The following EPB41L2 variants were observed in gnomAD, a reference collection of about 807,000 sequenced individuals.
EPB41L2 encodes the protein erythrocyte membrane protein band 4.1 like 2, also known as band 4.1-like protein 2.
A neutral mutation model predicts 113.0 loss-of-function variants in EPB41L2; 43 were observed. The ratio of observed to expected loss-of-function variants is 0.38; its 90% confidence interval spans 0.30 to 0.49. The LOEUF (loss-of-function observed/expected upper bound fraction) is 0.49. Among genes scored for constraint, EPB41L2 ranks in the 20% least tolerant of loss-of-function variants. EPB41L2 has a pLI of 0.95. For missense variants in EPB41L2, 1,147 were observed against 1,223.4 expected (o/e 0.94, Z 0.93); for synonymous variants, 442 against 436.7 (o/e 1.01, Z -0.15).
At chr6:130,962,675 A>AT (rs948398706) in intron 1 of EPB41L2, among the ~76,000 whole-genome samples, 53 of 152,214 alleles carry the variant, frequency 3.5e-4, no homozygotes, top group African/African-American at 1.2e-3. Flanking sequence ...CATACAAAAC[A>AT]TATGAACTAC....
intron 19 of EPB41L2, among the ~76,000 whole-genome samples, chr6:130,845,029 G>A (rs1293668985): frequency 6.6e-6 from 1 of 152,202 alleles, no homozygotes; most frequent in African/African-American, 2.4e-5. Flanking sequence ...CTGCCAGAAC[G>A]AGACTGTCTC....
At chr6:130,982,582 T>A (rs530618986) in intron 1 of EPB41L2, among the ~76,000 whole-genome samples, 4 of 152,192 alleles carry the variant, frequency 2.6e-5, no homozygotes, top group Non-Finnish European at 5.9e-5. Flanking sequence ...GAAACGGACA[T>A]GAAAACTTTG....
chr6:130,878,260 T>C lies in EPB41L2; in HGVS notation c.1897-10A>G. 5 of 1,594,012 alleles carry C rather than the reference T, an allele frequency of 3.1e-6. No homozygotes were observed. The highest frequency in any genetic ancestry group is 1.2e-5 in the South Asian group (1 of 85,534). On this transcript the variant is annotated splice_polypyrimidine_tract_variant and intron_variant, in intron 13 of 19. Coordinates refer to ENST00000337057, the MANE Select transcript of EPB41L2 (RefSeq NM_001431.4). ...GGGCCTTATCCAGTTCCTAGCAATA[T>C]GTAACGTAACAAAGGGGGGAAAAAT...
In EPB41L2 at chr6:130,945,303, T is replaced by C. The variant is rs550481107; in HGVS notation, c.705+9802A>G. On this transcript the variant is annotated intron_variant, in intron 3 of 19. Transcript: ENST00000337057. ...AAATAAAACACACTCAAAGTAATGA[T>C]AGCAAATTGGATTTCCGAGACCCGA... 1.1e-4 allele frequency among the ~76,000 whole-genome samples: 16 copies of C among 152,212 alleles called. No individual in the cohort carries two copies. In the South Asian group the frequency reaches 2.5e-3, roughly 24 times the overall value.
At chr6:131,049,757 C>T (rs895006606) in intron 1 of EPB41L2, among the ~76,000 whole-genome samples, 1 of 151,904 alleles carries the variant, frequency 6.6e-6, no homozygotes, top group Non-Finnish European at 1.5e-5. Flanking sequence ...AATGTTGACA[C>T]ATTTATTGAA....
rs61731766 is a variant in EPB41L2, at chr6:130,865,602, C to T, written c.2763G>A (p.Thr921=). 866 of 1,614,110 alleles carry T rather than the reference C, an allele frequency of 5.4e-4. 4 individuals carry two copies. The African/African-American group carries it at 8.7e-3, about 16-fold the overall frequency. The change falls in exon 17 of 20, where the codon ACG becomes ACA. Residue 921 remains threonine (T), a synonymous_variant. Transcript: ENST00000337057. ...IDGGAGGDSG[T]LLTAQTITSE... ...ATGTGATGGTTTGTGCGGTCAGTAA[C>T]GTGCCCGAATCACCACCAGCCCCGC... is the stretch of plus-strand genomic sequence containing the variant.
chr6:131,003,658 T>C (rs56059620), intron 1 of EPB41L2, among the ~76,000 whole-genome samples: 13,684 of 152,256 alleles, frequency 0.09, 2,038 homozygotes, highest in African/African-American at 0.31. Flanking sequence ...CTGGAATTTC[T>C]GGAACTGTAT....
chr6:131,036,851 A>T (rs1352338343), intron 1 of EPB41L2, among the ~76,000 whole-genome samples: 1 of 152,218 alleles, frequency 6.6e-6, no homozygotes, highest in East Asian at 1.9e-4. Flanking sequence ...GTGATGAGAC[A>T]GAATTCTAGG....
At chr6:130,870,455 G>A (rs1785277192) in intron 14 of EPB41L2, 1 of 1,452,306 alleles carries the variant, frequency 6.9e-7, no homozygotes, top group East Asian at 2.5e-5. Flanking sequence ...ACAAACATCT[G>A]ACACTGCAAA....
At chr6:130,938,128 C>T (rs1490704072) in intron 3 of EPB41L2, among the ~76,000 whole-genome samples, 10 of 152,196 alleles carry the variant, frequency 6.6e-5, no homozygotes, top group East Asian at 3.8e-4. Context: ...GGACGTGACA[C>T]AAAAGGAGAG....
At chr6:130,876,849 A>C in intron 14 of EPB41L2, 11 of 936,462 alleles carry the variant, frequency 1.2e-5, no homozygotes, top group East Asian at 6.2e-5. Context: ...CAAACACAAA[A>C]TACTGACCCA....
At chr6:131,010,939 C>T (rs1473185032) in intron 1 of EPB41L2, among the ~76,000 whole-genome samples, 1 of 152,198 alleles carries the variant, frequency 6.6e-6, no homozygotes, top group Non-Finnish European at 1.5e-5. Flanking sequence ...CCAAGATGAT[C>T]AAGCTAAGGC....
intron 1 of EPB41L2, among the ~76,000 whole-genome samples, chr6:131,012,816 CAAAG>C (rs1191724945): frequency 1.3e-5 from 2 of 152,024 alleles, no homozygotes; most frequent in East Asian, 1.9e-4. Flanking sequence ...GGAAGTGCAA[CAAAG>C]AAAGAGTTTA....
At chr6:130,872,644 C>T in intron 14 of EPB41L2, 5 of 726,424 alleles carry the variant, frequency 6.9e-6, no homozygotes, top group Non-Finnish European at 9.4e-6. Context: ...AACAACAGAA[C>T]AGCATAAAAT....
intron 1 of EPB41L2, among the ~76,000 whole-genome samples, chr6:131,012,367 TC>T (rs1374773845): frequency 6.7e-6 from 1 of 149,410 alleles, no homozygotes; most frequent in African/African-American, 2.5e-5. Flanking sequence ...TGAGGAGCTG[TC>T]CCTGTGAACT....
intron 8 of EPB41L2, among the ~76,000 whole-genome samples, chr6:130,896,864 A>T (rs1045390564): frequency 2.0e-5 from 3 of 152,154 alleles, no homozygotes; most frequent in Non-Finnish European, 4.4e-5. Flanking sequence ...CTTTCAAATG[A>T]GTTCAGTATA....
At chr6:130,929,992 G>A (rs1214941995) in intron 3 of EPB41L2, among the ~76,000 whole-genome samples, 2 of 151,908 alleles carry the variant, frequency 1.3e-5, no homozygotes, top group Admixed American at 6.6e-5. Context: ...ACCTATATTT[G>A]CCAAAGTTAT....
intron 19 of EPB41L2, among the ~76,000 whole-genome samples, chr6:130,853,126 G>C (rs2128413467): frequency 6.6e-6 from 1 of 152,296 alleles, no homozygotes; most frequent in South Asian, 2.1e-4. Context: ...TACCCAGTGG[G>C]CATTCCATAC....
intron 5 of EPB41L2, among the ~76,000 whole-genome samples, chr6:130,907,019 C>T (rs1797931449): frequency 6.6e-6 from 1 of 152,150 alleles, no homozygotes; most frequent in African/African-American, 2.4e-5. Flanking sequence ...GATTCATAAT[C>T]GGCAAGAGGT....
Sources: gnomAD v4.1 joint callset for allele counts (sites outside exome capture counted in the v4.1 genomes callset) on GRCh38, gnomAD v4.1.1 for gene constraint, MANE v1.5 for transcripts, NCBI Gene and HGNC (gene_info 2026-07-23, HGNC 2026-07-21) for gene names.